The following DNM3 variants were observed in gnomAD, a reference collection of about 807,000 sequenced individuals.
DNM3 encodes the protein dynamin-3.
A neutral mutation model predicts 101.6 loss-of-function variants in DNM3; 47 were observed. That is an observed-to-expected ratio of 0.46 (90% CI 0.37 to 0.59). The LOEUF is 0.59. Ranked by LOEUF, DNM3 falls within the 20% of genes least tolerant of loss-of-function variation. The pLI, the probability that DNM3 is intolerant of heterozygous loss-of-function variation, is 0.00. For missense variants in DNM3, 849 were observed against 1,085.7 expected, an observed-to-expected ratio of 0.78 and a Z score of 3.06; for synonymous variants, 385 against 387.9, an observed-to-expected ratio of 0.99 and a Z score of 0.09.
At chr1:172,102,047 C>T (rs577157942) in intron 13 of DNM3, among the ~76,000 whole-genome samples, 27 of 151,864 alleles carry the variant, frequency 1.8e-4, no homozygotes, top group East Asian at 5.8e-4. Flanking sequence ...TTAGTAGAGA[C>T]GGGGTTTCAC....
intron 10 of DNM3, among the ~76,000 whole-genome samples, chr1:172,057,574 A>G (rs1367745850): frequency 1.3e-5 from 2 of 152,214 alleles, no homozygotes; most frequent in Non-Finnish European, 2.9e-5. Context: ...TCAACCCAGA[A>G]TTTCATATCC....
chr1:172,048,479 A>C (rs2049975220), intron 9 of DNM3, 133 bp from the exon 10 acceptor site: 1 of 964,848 alleles, frequency 1.0e-6, no homozygotes, highest in Admixed American at 3.4e-5. Context: ...CATTTTGGGC[A>C]CTATGTAACT....
chr1:172,244,808 G>C (rs2061888879), intron 14 of DNM3, among the ~76,000 whole-genome samples: 1 of 152,228 alleles, frequency 6.6e-6, no homozygotes, highest in South Asian at 2.1e-4. Flanking sequence ...GATTCCTCAG[G>C]GATCTAGAAC....
chr1:172,330,035 G>A (rs12136275), intron 17 of DNM3, among the ~76,000 whole-genome samples: 31 of 152,136 alleles, frequency 2.0e-4, no homozygotes, highest in Admixed American at 8.5e-4. Context: ...ACATGTTGCC[G>A]ACTCTGCATG....
intron 13 of DNM3, among the ~76,000 whole-genome samples, chr1:172,116,758 T>C (rs1305184070): frequency 6.6e-6 from 1 of 152,234 alleles, no homozygotes; most frequent in African/African-American, 2.4e-5. Context: ...AATAGAAGAA[T>C]GTGCATTGTG....
intron 2 of DNM3, among the ~76,000 whole-genome samples, chr1:171,942,823 A>C (rs1010470953): frequency 4.6e-5 from 7 of 152,132 alleles, no homozygotes; most frequent in African/African-American, 1.4e-4. Context: ...AGCAGGAGCC[A>C]GTGCAAGGCT....
At chr1:171,925,551 T>G (rs2040504121) in intron 2 of DNM3, among the ~76,000 whole-genome samples, 1 of 152,154 alleles carries the variant, frequency 6.6e-6, no homozygotes, top group Middle Eastern at 3.4e-3. Context: ...TTTAATGGGG[T>G]TATTTGTTTT....
rs370206335 is a variant in DNM3 at position 172,096,535 on chromosome 1, G to C, written c.1545+3660G>C. ...AATCTGTGATAAATTGGATGTCGGA[G>C]AGAGGGCTGGAGGTTGTCTTCAATG... is the stretch of plus-strand genomic sequence containing the variant. On this transcript the variant is annotated intron_variant, in intron 13 of 20. Coordinates refer to ENST00000627582, the MANE Select transcript of DNM3 (RefSeq NM_015569.5). Among the ~76,000 whole-genome samples, 39 of 152,324 alleles carry C rather than the reference G, an allele frequency of 2.6e-4. No homozygotes were observed. The South Asian group carries it at 7.9e-3, about 31-fold the overall frequency.
chr1:172,289,988 ACAT>A, intron 15 of DNM3: 3 of 913,416 alleles, frequency 3.3e-6, no homozygotes, highest in Non-Finnish European at 3.9e-6. Flanking sequence ...TATATTATTG[ACAT>A]CATAGGTTTG....
chr1:172,074,693 C>T (rs1291240452), intron 11 of DNM3, among the ~76,000 whole-genome samples: 3 of 152,206 alleles, frequency 2.0e-5, no homozygotes. Context: ...ATATGAGCCA[C>T]ATTTTCTTTA....
intron 8 of DNM3, among the ~76,000 whole-genome samples, chr1:172,043,724 G>A (rs2049566177): frequency 6.6e-6 from 1 of 152,108 alleles, no homozygotes; most frequent in South Asian, 2.1e-4. Context: ...AAGCTGTGAG[G>A]GGAGGAAATG....
At position 172,027,617 on chromosome 1, in the gene DNM3, C is replaced by CACACACACAG. The variant is rs34981346; in HGVS notation, c.590-4784_590-4783insCACACACAGA. On this transcript the variant is annotated intron_variant, in intron 4 of 20. Transcript: ENST00000627582. The stretch of plus-strand genomic sequence containing the variant: ...ACACACACACACACACACACACACA[C>CACACACACAG]AGAGAGAGAGAAATTGGATACAGAG... Among the ~76,000 whole-genome samples, 481 of 147,108 alleles carry CACACACACAG rather than the reference C, an allele frequency of 3.3e-3. 4 individuals are homozygous for CACACACACAG. The highest frequency in any genetic ancestry group is 0.011 in the African/African-American group (440 of 38,660).
chr1:172,143,340 A>G (rs2057693093), intron 14 of DNM3, among the ~76,000 whole-genome samples: 1 of 152,188 alleles, frequency 6.6e-6, no homozygotes, highest in African/African-American at 2.4e-5. Context: ...GTTTCGGAAT[A>G]GAAATTAATG....
intron 17 of DNM3, 149 bp from the exon 18 acceptor site, chr1:172,378,869 C>T (rs1480303303): frequency 2.3e-5 from 20 of 885,488 alleles, no homozygotes; most frequent in Non-Finnish European, 3.3e-5. Flanking sequence ...CCTTTCAGAA[C>T]CAGTGGATGC....
At position 172,412,161 on chromosome 1, in the gene DNM3, G is replaced by C. The variant is rs2071247220; in HGVS notation, c.*4320G>C. 2 of 985,744 alleles carry C rather than the reference G, an allele frequency of 2.0e-6. No homozygotes were observed. Among genetic ancestry groups the C allele is most frequent in the Non-Finnish European group, 2.4e-6 (2 of 829,882 alleles). The allele number at this position is 985,744 out of a possible 1,614,324, so 61.1% of individuals were successfully genotyped here. A position where few individuals can be genotyped will look rare whatever the true frequency, so the allele number is the denominator to read the frequency against. On this transcript the variant is annotated 3_prime_UTR_variant, in exon 21 of 21. Transcript: ENST00000627582. Reference sequence around the variant, plus strand: ...CCTGTTCATACTGGTATATTGGTGAGACTTCTCACTTCTGGTTGGAGGTTT... The same window carrying C: ...CCTGTTCATACTGGTATATTGGTGACACTTCTCACTTCTGGTTGGAGGTTT...
At chr1:171,978,932 G>C (rs192108842) in intron 2 of DNM3, among the ~76,000 whole-genome samples, 4 of 151,878 alleles carry the variant, frequency 2.6e-5, no homozygotes, top group African/African-American at 9.7e-5. Context: ...ATTCAAGGGA[G>C]AGGTGAATGT....
chr1:172,205,453 C>A (rs1193188935), intron 14 of DNM3, among the ~76,000 whole-genome samples: 2 of 151,966 alleles, frequency 1.3e-5, no homozygotes, highest in African/African-American at 4.8e-5. Flanking sequence ...CATTTATCAA[C>A]ACGAAACATA....
chr1:172,046,550 TATA>T, intron 9 of DNM3, among the ~76,000 whole-genome samples: 1 of 147,578 alleles, frequency 6.8e-6, no homozygotes, highest in Non-Finnish European at 1.5e-5. Context: ...AAACTTAAAG[TATA>T]ATAATAATAA....
At chr1:172,332,451 A>T (rs1446687004) in intron 17 of DNM3, among the ~76,000 whole-genome samples, 1 of 152,164 alleles carries the variant, frequency 6.6e-6, no homozygotes, top group African/African-American at 2.4e-5. Context: ...CTGGGACTAC[A>T]GGTGCATGCT....
Sources: gnomAD v4.1 joint callset for allele counts (sites outside exome capture counted in the v4.1 genomes callset) on GRCh38, gnomAD v4.1.1 for gene constraint, MANE v1.5 for transcripts, NCBI Gene and HGNC (gene_info 2026-07-23, HGNC 2026-07-21) for gene names.